The following ARHGAP10 variants were observed in gnomAD, a reference collection of about 807,000 sequenced individuals.
ARHGAP10 encodes Rho GTPase activating protein 10.
ARHGAP10 carries 87 observed loss-of-function variants against 108.6 expected under a neutral mutation model. The observed-to-expected ratio is 0.80, with a 90% CI of 0.67 to 0.96. The LOEUF is 0.96. ARHGAP10 is among the 40% of genes least tolerant of loss of function. ARHGAP10 has a pLI of 0.00. For synonymous variants in ARHGAP10, 347 were observed against 341.1 expected (o/e 1.02, Z -0.19); for missense variants, 939 against 954.5 (o/e 0.98, Z 0.21).
At chr4:147,930,149 G>A (rs1018802252) in intron 13 of ARHGAP10, among the ~76,000 whole-genome samples, 7 of 152,260 alleles carry the variant, frequency 4.6e-5, no homozygotes, top group South Asian at 2.1e-4. Context: ...GTTACTAGAT[G>A]AGAGCTGAAT....
chr4:147,801,652 A>G (rs1409909043), intron 1 of ARHGAP10, among the ~76,000 whole-genome samples: 1 of 152,222 alleles, frequency 6.6e-6, no homozygotes, highest in Non-Finnish European at 1.5e-5. Context: ...TATCATCACC[A>G]TTTGTATTAT....
chr4:147,794,189 G>A (rs954786674), intron 1 of ARHGAP10, among the ~76,000 whole-genome samples: 1 of 152,212 alleles, frequency 6.6e-6, no homozygotes, highest in Admixed American at 6.5e-5. Context: ...TGGTTTTGCA[G>A]AGGTTGTGAG....
chr4:147,798,775 CTCTCTCTATATATATATATATATA>C (rs1731449304), intron 1 of ARHGAP10, among the ~76,000 whole-genome samples: 1 of 4,346 alleles, frequency 2.3e-4, no homozygotes, highest in Non-Finnish European at 1.7e-3. Context: ...CTCTCTCTCT[CTCTCTCTATATATATATATATATA>C]TATATATATA....
chr4:147,860,352 G>A lies in ARHGAP10; in HGVS notation c.486+2698G>A, dbSNP rs369583515. ...AGCTACTCAGGAGGCTGAGGCAGGA[G>A]AATGGCGTGAACCCAGGAGGTGGAG... On this transcript the variant is annotated intron_variant, in intron 5 of 22. Transcript: ENST00000336498. Among the ~76,000 whole-genome samples, 4 of 152,338 alleles carry A rather than the reference G, an allele frequency of 2.6e-5. No individual in the cohort carries two copies. In the East Asian group the frequency reaches 5.8e-4, roughly 22 times the overall value.
At chr4:147,808,404 A>G (rs940438586) in intron 1 of ARHGAP10, among the ~76,000 whole-genome samples, 4 of 151,954 alleles carry the variant, frequency 2.6e-5, no homozygotes, top group African/African-American at 7.3e-5. Context: ...GAGGCTGCAG[A>G]GTGAGCAGAG....
In ARHGAP10 at chr4:147,836,600, TAGCACCTG is replaced by T. The variant is rs1733179029; in HGVS notation, c.313-10542_313-10535del. Among the ~76,000 whole-genome samples the T allele has an allele frequency of 2.0e-5, 3 of 152,116 alleles. No individual in the cohort carries two copies. The South Asian group carries it at 6.2e-4, about 32-fold the overall frequency. On this transcript the variant is annotated intron_variant, in intron 3 of 22. Transcript: ENST00000336498. ...GTTTGAACCCTGTGGAATTAATTTA[TAGCACCTG>T]AGCACCTGTGTCCCAGTTAGAGCTT... is the stretch of plus-strand genomic sequence containing the variant.
intron 13 of ARHGAP10, among the ~76,000 whole-genome samples, chr4:147,913,595 T>C (rs1191868582): frequency 1.3e-5 from 2 of 152,108 alleles, no homozygotes; most frequent in African/African-American, 4.8e-5. Context: ...GGTGTCTCTT[T>C]TACATGTCGA....
intron 18 of ARHGAP10, among the ~76,000 whole-genome samples, chr4:147,988,092 C>T (rs1740110333): frequency 6.6e-6 from 1 of 152,146 alleles, no homozygotes; most frequent in Non-Finnish European, 1.5e-5. Context: ...TTTTATTTCC[C>T]TTACTGCAGG....
intron 13 of ARHGAP10, among the ~76,000 whole-genome samples, chr4:147,924,667 C>T (rs1402046030): frequency 1.3e-5 from 2 of 152,160 alleles, no homozygotes; most frequent in Non-Finnish European, 1.5e-5. Flanking sequence ...TTATGGTACA[C>T]TGTTAGCATA....
chr4:147,952,165 AG>A (rs1289538670), intron 15 of ARHGAP10, among the ~76,000 whole-genome samples: 2 of 152,204 alleles, frequency 1.3e-5, no homozygotes, highest in African/African-American at 4.8e-5. Context: ...CATCTGTTGC[AG>A]GATATTTAAC....
intron 18 of ARHGAP10, among the ~76,000 whole-genome samples, chr4:148,001,539 T>C (rs191351512): frequency 0.039 from 5,849 of 151,544 alleles, 345 homozygotes; most frequent in African/African-American, 0.13. Context: ...ATTCTTCCTA[T>C]CCATGAGTAT....
At position 147,881,948 on chromosome 4, in the gene ARHGAP10, T is replaced by C; in HGVS notation, c.1034+16T>C. 3 of 1,609,422 alleles carry C rather than the reference T, an allele frequency of 1.9e-6. No individual in the cohort carries two copies. The highest frequency in any genetic ancestry group is 1.7e-6 in the Non-Finnish European group (2 of 1,177,556). ...CTGCTGATCGGTAAGTTATTGGAAT[T>C]ATTGGACATGGTGAAAGAGTCGTTT... On this transcript the variant is annotated intron_variant, in intron 10 of 22. Coordinates refer to ENST00000336498, the MANE Select transcript of ARHGAP10 (RefSeq NM_024605.4).
At chr4:148,049,603 T>C (rs1729034121) in intron 20 of ARHGAP10, among the ~76,000 whole-genome samples, 1 of 152,094 alleles carries the variant, frequency 6.6e-6, no homozygotes, top group African/African-American at 2.4e-5. Context: ...CATGCTGTAA[T>C]CTACAGGGAG....
intron 1 of ARHGAP10, among the ~76,000 whole-genome samples, chr4:147,767,698 A>T (rs936271751): frequency 6.6e-6 from 1 of 152,082 alleles, no homozygotes; most frequent in Non-Finnish European, 1.5e-5. Context: ...ACTGCACTCC[A>T]CTCTGGGCAA....
chr4:148,069,277 C>G (rs965952806), intron 22 of ARHGAP10, among the ~76,000 whole-genome samples: 1 of 152,146 alleles, frequency 6.6e-6, no homozygotes, highest in Non-Finnish European at 1.5e-5. Flanking sequence ...TAGCCCACCT[C>G]GCCCACTGCT....
At chr4:147,947,324 G>T (rs1472642107) in intron 15 of ARHGAP10, among the ~76,000 whole-genome samples, 3 of 148,178 alleles carry the variant, frequency 2.0e-5, no homozygotes, top group South Asian at 4.3e-4. Context: ...AATGAAAAAA[G>T]ATCACAACTG....
chr4:148,040,090 A>G lies in ARHGAP10; in HGVS notation c.1868-6802A>G, dbSNP rs190002299. ...TCCCCTTTCTTTTCACTGTCTGGCT[A>G]TTGCCTCCACTGGGGTCACCTAGGT... On this transcript the variant is annotated intron_variant, in intron 19 of 22. Transcript: ENST00000336498. Among the ~76,000 whole-genome samples, 271 of 152,230 alleles carry G rather than the reference A, an allele frequency of 1.8e-3. 1 individual carries two copies. Among genetic ancestry groups the G allele is most frequent in the African/African-American group, 6.0e-3 (251 of 41,528 alleles).
At chr4:148,023,942 G>T (rs1223421409) in intron 19 of ARHGAP10, among the ~76,000 whole-genome samples, 3 of 152,252 alleles carry the variant, frequency 2.0e-5, no homozygotes, top group African/African-American at 7.2e-5. Flanking sequence ...CTGGGCTGCA[G>T]TGGAACTCTG....
At chr4:147,806,628 T>C (rs1488489625) in intron 1 of ARHGAP10, among the ~76,000 whole-genome samples, 2 of 152,120 alleles carry the variant, frequency 1.3e-5, no homozygotes, top group African/African-American at 4.8e-5. Context: ...CAAAGGTGCT[T>C]AGTGACTTGG....
Sources: gnomAD v4.1 joint callset for allele counts (sites outside exome capture counted in the v4.1 genomes callset) on GRCh38, gnomAD v4.1.1 for gene constraint, MANE v1.5 for transcripts, NCBI Gene and HGNC (gene_info 2026-07-23, HGNC 2026-07-21) for gene names.